UGT8: variants seen among roughly 807,000 people sequenced by gnomAD.
The protein encoded by UGT8 is UDP glycosyltransferase 8.
A neutral mutation model predicts 40.5 loss-of-function variants in UGT8; 12 were observed. That is an observed-to-expected ratio of 0.30 (90% CI 0.19 to 0.48). The LOEUF is 0.48. UGT8 is among the 20% of genes least tolerant of loss of function. The pLI is 0.99. For missense variants in UGT8, 513 were observed against 648.7 expected, an observed-to-expected ratio of 0.79 and a Z score of 2.27; for synonymous variants, 224 against 240.4, an observed-to-expected ratio of 0.93 and a Z score of 0.63.
chr4:114,671,694 T>C (rs572655955), intron 5 of UGT8, among the ~76,000 whole-genome samples: 1 of 152,152 alleles, frequency 6.6e-6, no homozygotes, highest in African/African-American at 2.4e-5. Flanking sequence ...ATTAAAGACT[T>C]AAATGTAAAA....
At chr4:114,643,530 G>C (rs1268662048) in intron 2 of UGT8, among the ~76,000 whole-genome samples, 2 of 152,140 alleles carry the variant, frequency 1.3e-5, no homozygotes, top group Non-Finnish European at 2.9e-5. Flanking sequence ...AATAGCTTCA[G>C]GGCATTGTTT....
chr4:114,639,602 C>T (rs1733088484), intron 2 of UGT8, among the ~76,000 whole-genome samples: 1 of 152,122 alleles, frequency 6.6e-6, no homozygotes, highest in Non-Finnish European at 1.5e-5. Context: ...TTTTGGAAAC[C>T]ATCTTTGAGA....
At chr4:114,652,801 T>C (rs1376434608) in intron 2 of UGT8, among the ~76,000 whole-genome samples, 2 of 152,060 alleles carry the variant, frequency 1.3e-5, no homozygotes, top group African/African-American at 4.8e-5. Flanking sequence ...TGATAACTGA[T>C]GTTTATTCTA....
chr4:114,634,696 C>T (rs1732780677), intron 2 of UGT8, among the ~76,000 whole-genome samples: 1 of 152,178 alleles, frequency 6.6e-6, no homozygotes, highest in Non-Finnish European at 1.5e-5. Context: ...TGGCATCAGA[C>T]CATTGGTAGA....
intron 5 of UGT8, among the ~76,000 whole-genome samples, chr4:114,669,450 G>A (rs758915086): frequency 1.9e-4 from 29 of 151,976 alleles, no homozygotes; most frequent in Non-Finnish European, 3.8e-4. Flanking sequence ...ATATGTGTGT[G>A]TATGTATGTA....
intron 2 of UGT8, 35 bp downstream of exon 2, chr4:114,623,737 T>A: frequency 1.9e-6 from 3 of 1,548,446 alleles, no homozygotes; most frequent in Non-Finnish European, 1.7e-6. Context: ...AATTCTTTTT[T>A]AATGTAAAAG....
At chr4:114,605,599 G>A (rs1730685269) in intron 1 of UGT8, among the ~76,000 whole-genome samples, 1 of 152,084 alleles carries the variant, frequency 6.6e-6, no homozygotes, top group South Asian at 2.1e-4. Flanking sequence ...TGACTTTTTA[G>A]TTATTACATT....
intron 2 of UGT8, among the ~76,000 whole-genome samples, chr4:114,649,747 T>C (rs1034413167): frequency 3.9e-5 from 6 of 152,150 alleles, no homozygotes; most frequent in African/African-American, 1.2e-4. Flanking sequence ...AAGTTGGAAG[T>C]TGTTACTAAG....
chr4:114,647,504 T>C (rs1327975073), intron 2 of UGT8, among the ~76,000 whole-genome samples: 6 of 151,950 alleles, frequency 3.9e-5, no homozygotes, highest in Non-Finnish European at 5.9e-5. Context: ...TAGCTGGGAC[T>C]ACTCAGCTGC....
chr4:114,638,251 G>A (rs1309045317), intron 2 of UGT8, among the ~76,000 whole-genome samples: 2 of 152,070 alleles, frequency 1.3e-5, no homozygotes, highest in African/African-American at 2.4e-5. Context: ...ATTGAACTAC[G>A]AATCCCATTA....
intron 2 of UGT8, among the ~76,000 whole-genome samples, chr4:114,631,585 C>T (rs1016416978): frequency 3.2e-4 from 48 of 152,140 alleles, no homozygotes; most frequent in Admixed American, 1.3e-4. Context: ...ATCAGAATTC[C>T]ATGAAATTCC....
At chr4:114,643,191 C>T (rs1261963506) in intron 2 of UGT8, among the ~76,000 whole-genome samples, 5 of 152,000 alleles carry the variant, frequency 3.3e-5, no homozygotes, top group African/African-American at 7.3e-5. Context: ...TGTCTGGATG[C>T]GGGTCAATGG....
chr4:114,668,424 C>A, intron 5 of UGT8, 120 bp downstream of exon 5: 1 of 864,928 alleles, frequency 1.2e-6, no homozygotes, highest in Non-Finnish European at 1.8e-6. Flanking sequence ...CCTTTAGATT[C>A]CTGTGATAAT....
chr4:114,636,509 G>A (rs574483636), intron 2 of UGT8, among the ~76,000 whole-genome samples: 22 of 152,222 alleles, frequency 1.4e-4, no homozygotes, highest in Admixed American at 1.4e-3. Flanking sequence ...TTCATTATAA[G>A]CATTTGTGCT....
intron 2 of UGT8, among the ~76,000 whole-genome samples, chr4:114,662,589 C>T (rs1195691459): frequency 6.6e-6 from 1 of 152,080 alleles, no homozygotes; most frequent in Admixed American, 6.6e-5. Flanking sequence ...AAGGATGTAC[C>T]TCCTTTCTGT....
intron 1 of UGT8, among the ~76,000 whole-genome samples, chr4:114,607,330 C>T (rs1001975817): frequency 4.6e-5 from 7 of 152,090 alleles, no homozygotes; most frequent in Non-Finnish European, 1.0e-4. Flanking sequence ...AACCTTGATC[C>T]CACTGAAATT....
intron 2 of UGT8, among the ~76,000 whole-genome samples, chr4:114,659,887 T>C (rs1173909075): frequency 1.3e-5 from 2 of 152,196 alleles, no homozygotes; most frequent in African/African-American, 2.4e-5. Context: ...CAGAGATGGA[T>C]AGATCATTGG....
intron 1 of UGT8, chr4:114,622,643 G>A (rs1731891100): frequency 2.4e-6 from 1 of 418,114 alleles, no homozygotes; most frequent in African/African-American, 2.1e-5. Flanking sequence ...ACTGGTGTGA[G>A]ATGATATCTC....
rs70964319 is a variant in UGT8, at chr4:114,670,430, CAAAAAAAA to C, written c.1262+2144_1262+2151del. On this transcript the variant is annotated intron_variant, in intron 5 of 5. Transcript: ENST00000310836. ...TGGGTGACAGAGCAAGACTCTGTCT[CAAAAAAAA>C]AAAAAAAAAAAAAAAAAGCTTATCC... Among the ~76,000 whole-genome samples the C allele has an allele frequency of 3.0e-3, 170 of 57,336 alleles. 1 individual carries two copies. Among genetic ancestry groups the C allele is most frequent in the African/African-American group, 0.016 (165 of 10,450 alleles). The allele number at this position is 57,336 out of a possible 152,430, so 37.6% of individuals were successfully genotyped here. A position where few individuals can be genotyped will look rare whatever the true frequency, so the allele number is the denominator to read the frequency against.
Sources: gnomAD v4.1 joint callset for allele counts (sites outside exome capture counted in the v4.1 genomes callset) on GRCh38, gnomAD v4.1.1 for gene constraint, MANE v1.5 for transcripts, NCBI Gene and HGNC (gene_info 2026-07-23, HGNC 2026-07-21) for gene names.